ARID2: variants seen among roughly 807,000 people sequenced by gnomAD.
The protein encoded by ARID2 is AT-rich interactive domain-containing protein 2.
A neutral mutation model predicts 184.6 loss-of-function variants in ARID2; 32 were observed. The observed-to-expected ratio is 0.17, with a 90% CI of 0.13 to 0.23. ARID2 has a LOEUF of 0.23. Among genes scored for constraint, ARID2 ranks in the 10% least tolerant of loss-of-function variants. ARID2 has a pLI of 1.00. For missense variants in ARID2, 1,696 were observed against 2,197.6 expected (o/e 0.77, Z 4.56); for synonymous variants, 836 against 772.6 (o/e 1.08, Z -1.36).
intron 3 of ARID2, among the ~76,000 whole-genome samples, chr12:45,802,207 C>G (rs1942517798): frequency 6.6e-6 from 1 of 151,970 alleles, no homozygotes; most frequent in Admixed American, 6.6e-5. Flanking sequence ...GCTAGGACTA[C>G]AGGCGTGCAC....
At chr12:45,885,205 TG>T (rs1200289022) in intron 16 of ARID2, among the ~76,000 whole-genome samples, 1 of 152,020 alleles carries the variant, frequency 6.6e-6, no homozygotes, top group African/African-American at 2.4e-5. Flanking sequence ...TAATAATGCT[TG>T]CCCTTGATAT....
chr12:45,813,039 G>C lies in ARID2; in HGVS notation c.418+1488G>C, dbSNP rs142146795. On this transcript the variant is annotated intron_variant, in intron 4 of 20. Transcript: ENST00000334344. ...GGTATTTCGGAAGCCTATAATGAAA[G>C]TTACTGATAGAGCTACACAGGTTAA... is the stretch of plus-strand genomic sequence containing the variant. 8.0e-3 allele frequency among the ~76,000 whole-genome samples: 1,222 copies of C among 152,254 alleles called. 19 individuals carry two copies. Among genetic ancestry groups the C allele is most frequent in the South Asian group, 0.067 (326 of 4,830 alleles).
At chr12:45,839,081 A>T (rs1943281240) in intron 10 of ARID2, among the ~76,000 whole-genome samples, 1 of 150,288 alleles carries the variant, frequency 6.7e-6, no homozygotes, top group Non-Finnish European at 1.5e-5. Flanking sequence ...AGCCAGGATG[A>T]TCTCAATCTC....
In ARID2 at chr12:45,850,523, T is replaced by C. The variant is rs2138162743; in HGVS notation, c.2400T>C (p.His800=). 1 of 1,614,078 alleles carries C rather than the reference T, an allele frequency of 6.2e-7. No homozygotes were observed. The highest frequency in any genetic ancestry group is 8.5e-7 in the Non-Finnish European group (1 of 1,179,972). The change falls in exon 15 of 21, where the codon CAT becomes CAC. Residue 800 remains histidine (H), a synonymous_variant. Transcript: ENST00000334344. Reference sequence around the variant, plus strand: ...TTCAACAAGCTGTCCCACAGAGTCATATGTTTGGCAGAGTACAGAACATAC... The same window carrying C: ...TTCAACAAGCTGTCCCACAGAGTCACATGTTTGGCAGAGTACAGAACATAC... ...TVIQQAVPQS[H]MFGRVQNIPA...
rs746061188 is a variant in ARID2, at chr12:45,852,489, T to C, written c.4366T>C (p.Leu1456=). Residue 1456 remains leucine, a synonymous_variant, in exon 15 of 21, where the codon TTG becomes CTG. Transcript: ENST00000334344. ...GCTTAATGGACCTCTAGCTTCAAGT[T>C]TGAATTCAGATGTGCCTCAGCAACG... ...DLLNGPLASS[L]NSDVPQQRPS... The C allele has an allele frequency of 3.1e-6, 5 of 1,614,156 alleles. No homozygotes were observed. Among genetic ancestry groups the C allele is most frequent in the African/African-American group, 1.3e-5 (1 of 75,050 alleles).
At chr12:45,899,380 A>G (rs553912634) in intron 20 of ARID2, among the ~76,000 whole-genome samples, 60 of 149,352 alleles carry the variant, frequency 4.0e-4, no homozygotes, top group South Asian at 4.2e-4. Context: ...CAAGGCGGGC[A>G]GATCACGAGG....
chr12:45,760,532 G>A (rs1262004282), intron 3 of ARID2, among the ~76,000 whole-genome samples: 1 of 151,332 alleles, frequency 6.6e-6, no homozygotes, highest in Non-Finnish European at 1.5e-5. Flanking sequence ...TGTTTTTTGT[G>A]TTTTTTTGTG....
intron 16 of ARID2, among the ~76,000 whole-genome samples, chr12:45,861,244 C>CT (rs1164103662): frequency 3.3e-5 from 5 of 151,780 alleles, no homozygotes; most frequent in East Asian, 1.9e-4. Flanking sequence ...CTGTTAAAAG[C>CT]TTTTTTTTGT....
intron 2 of ARID2, 112 bp downstream of exon 2, chr12:45,730,249 G>A: frequency 9.8e-7 from 1 of 1,021,072 alleles, no homozygotes; most frequent in Middle Eastern, 3.3e-4. Context: ...GGGGCAAAAG[G>A]CGTTCTTTTC....
intron 3 of ARID2, among the ~76,000 whole-genome samples, chr12:45,806,271 GCTTA>G: frequency 6.6e-6 from 1 of 151,838 alleles, no homozygotes; most frequent in Non-Finnish European, 1.5e-5. Context: ...TATTTTTGAA[GCTTA>G]AATCTTTGAT....
intron 3 of ARID2, among the ~76,000 whole-genome samples, chr12:45,805,052 A>T (rs1246198348): frequency 6.6e-6 from 1 of 152,078 alleles, no homozygotes; most frequent in East Asian, 1.9e-4. Flanking sequence ...TTGCCTCAAT[A>T]TGCCACAGTA....
At chr12:45,880,567 T>G (rs1292624572) in intron 16 of ARID2, among the ~76,000 whole-genome samples, 3 of 152,232 alleles carry the variant, frequency 2.0e-5, no homozygotes, top group Non-Finnish European at 2.9e-5. Flanking sequence ...TTTTATTACT[T>G]TATCCCTGAA....
In ARID2 at chr12:45,745,112, A is replaced by G. The variant is rs142093410; in HGVS notation, c.284+13798A>G. ...AATTTACCAAGCCTTACATATTTAA[A>G]GGGCTAAGTTGAAGTGGATATTAGC... On this transcript the variant is annotated intron_variant, in intron 3 of 20. Transcript: ENST00000334344. Among the ~76,000 whole-genome samples the G allele has an allele frequency of 2.3e-3, 353 of 152,356 alleles. 3 individuals are homozygous for G. Among genetic ancestry groups the G allele is most frequent in the African/African-American group, 8.3e-3 (344 of 41,592 alleles).
At position 45,738,779 on chromosome 12, in the gene ARID2, C is replaced by CTTTTTTTTTTTTTTTTTTTTTTTT. The variant is rs11333868; in HGVS notation, c.284+7476_284+7499dup. 6.4e-5 allele frequency among the ~76,000 whole-genome samples: 4 copies of CTTTTTTTTTTTTTTTTTTTTTTTT among 62,298 alleles called. 1 individual carries two copies. The highest frequency in any genetic ancestry group is 8.5e-5 in the African/African-American group (1 of 11,708). The allele number at this position is 62,298 out of a possible 152,430, so 40.9% of individuals were successfully genotyped here. A position where few individuals can be genotyped will look rare whatever the true frequency, so the allele number is the denominator to read the frequency against. On this transcript the variant is annotated intron_variant, in intron 3 of 20. Transcript: ENST00000334344. The stretch of plus-strand genomic sequence containing the variant: ...TTTTCTTCCTGGGGCATATGGGCTA[C>CTTTTTTTTTTTTTTTTTTTTTTTT]TTTTTTTTTTTTTTTTTTTTTTTTT...
chr12:45,749,746 T>C (rs972290046), intron 3 of ARID2, among the ~76,000 whole-genome samples: 2 of 152,246 alleles, frequency 1.3e-5, no homozygotes. Flanking sequence ...TTTTATGTTA[T>C]GAAGATAACG....
chr12:45,820,225 A>G (rs1942875517), intron 5 of ARID2, among the ~76,000 whole-genome samples: 1 of 152,188 alleles, frequency 6.6e-6, no homozygotes. Flanking sequence ...TCTGTTCTTT[A>G]TATTATTTCC....
chr12:45,796,323 G>A (rs1462322982), intron 3 of ARID2, among the ~76,000 whole-genome samples: 1 of 150,964 alleles, frequency 6.6e-6, no homozygotes, highest in Non-Finnish European at 1.5e-5. Flanking sequence ...CTATTTTTAC[G>A]GGCCACATGG....
intron 3 of ARID2, among the ~76,000 whole-genome samples, chr12:45,766,199 G>GCT (rs1209218224): frequency 6.7e-6 from 1 of 149,630 alleles, no homozygotes; most frequent in Non-Finnish European, 1.5e-5. Context: ...ACAGAGTCTT[G>GCT]CTCTGTCACC....
intron 16 of ARID2, among the ~76,000 whole-genome samples, chr12:45,865,259 C>T (rs1317829840): frequency 1.3e-5 from 2 of 152,048 alleles, no homozygotes; most frequent in Non-Finnish European, 2.9e-5. Context: ...CCTTCTTTCT[C>T]CCACACCAAA....
Sources: gnomAD v4.1 joint callset for allele counts (sites outside exome capture counted in the v4.1 genomes callset) on GRCh38, gnomAD v4.1.1 for gene constraint, MANE v1.5 for transcripts, NCBI Gene and HGNC (gene_info 2026-07-23, HGNC 2026-07-21) for gene names.